RGS6: variants seen among roughly 807,000 people sequenced by gnomAD.
RGS6 encodes regulator of G protein signaling 6.
RGS6 carries 30 observed loss-of-function variants against 78.5 expected under a neutral mutation model. The observed-to-expected ratio is 0.38, with a 90% CI of 0.29 to 0.52. The LOEUF (loss-of-function observed/expected upper bound fraction) is 0.52. Among genes scored for constraint, RGS6 ranks in the 20% least tolerant of loss-of-function variants. The probability of loss-of-function intolerance (pLI) is 0.85; values close to 1 mark genes in which losing one functional copy is unlikely to be tolerated. For synonymous variants in RGS6, 206 were observed against 206.0 expected (o/e 1.00, Z 0.00); for missense variants, 495 against 609.7 (o/e 0.81, Z 1.98).
intron 2 of RGS6, among the ~76,000 whole-genome samples, chr14:72,202,331 A>G (rs1020584863): frequency 3.9e-5 from 6 of 152,186 alleles, no homozygotes; most frequent in Admixed American, 3.3e-4. Context: ...TCTTAGGAAG[A>G]GGAGTGGCCA....
At chr14:72,376,988 A>G (rs1298876440) in intron 3 of RGS6, among the ~76,000 whole-genome samples, 1 of 152,210 alleles carries the variant, frequency 6.6e-6, no homozygotes, top group African/African-American at 2.4e-5. Context: ...ATAAGAGAGG[A>G]AGTAAGGAAC....
the RGS6 span, among the ~76,000 whole-genome samples, chr14:71,925,366 A>C: frequency 6.6e-6 from 1 of 152,148 alleles, no homozygotes. Flanking sequence ...TTGCCTCTTC[A>C]CCCTGCTGTT....
At chr14:71,969,634 C>T (rs1030409419) in intron 2 of RGS6, among the ~76,000 whole-genome samples, 10 of 152,160 alleles carry the variant, frequency 6.6e-5, no homozygotes, top group Non-Finnish European at 1.0e-4. Flanking sequence ...TCTTTTCCTC[C>T]TTCCTTTTCA....
At chr14:72,104,736 T>C (rs1021959555) in intron 2 of RGS6, among the ~76,000 whole-genome samples, 1 of 152,168 alleles carries the variant, frequency 6.6e-6, no homozygotes, top group Non-Finnish European at 1.5e-5. Flanking sequence ...CAGTGCTTGG[T>C]TATAAGATGG....
chr14:71,889,918 C>T, the RGS6 span, among the ~76,000 whole-genome samples: 1 of 152,074 alleles, frequency 6.6e-6, no homozygotes, highest in Non-Finnish European at 1.5e-5. Context: ...CTCTTTCTTG[C>T]TCCTTCTCCT....
At chr14:72,201,480 A>G (rs1018950820) in intron 2 of RGS6, among the ~76,000 whole-genome samples, 1 of 152,220 alleles carries the variant, frequency 6.6e-6, no homozygotes, top group African/African-American at 2.4e-5. Flanking sequence ...ACTTCACACT[A>G]AATTCGACTT....
chr14:72,016,196 C>T (rs1413798847), intron 2 of RGS6, among the ~76,000 whole-genome samples: 1 of 152,136 alleles, frequency 6.6e-6, no homozygotes, highest in African/African-American at 2.4e-5. Context: ...GTTTCACAGA[C>T]ACTTAGAATT....
chr14:72,242,643 A>G (rs2053166692), intron 2 of RGS6, among the ~76,000 whole-genome samples: 1 of 152,094 alleles, frequency 6.6e-6, no homozygotes, highest in African/African-American at 2.4e-5. Context: ...AGAAAAGGAG[A>G]AAATGAAGAA....
chr14:72,504,921 ATTTTTTTTTTTT>A lies in RGS6; in HGVS notation c.966-5216_966-5205del, dbSNP rs34953560. The stretch of plus-strand genomic sequence containing the variant: ...AGGTGCCCACCACCACGCCCAGCTA[ATTTTTTTTTTTT>A]TTTTTTTTTTTTTTTTGTATTTTTA... On this transcript the variant is annotated intron_variant, in intron 13 of 17. Transcript: ENST00000553525. Among the ~76,000 whole-genome samples the A allele has an allele frequency of 1.1e-4, 8 of 76,078 alleles. No individual in the cohort carries two copies. In the South Asian group the frequency reaches 2.5e-3, roughly 24 times the overall value. The allele number at this position is 76,078 out of a possible 152,430, so 49.9% of individuals were successfully genotyped here.
chr14:72,355,882 A>G (rs2080159411), intron 3 of RGS6, among the ~76,000 whole-genome samples: 1 of 152,174 alleles, frequency 6.6e-6, no homozygotes, highest in African/African-American at 2.4e-5. Flanking sequence ...TTCCTGGAAC[A>G]TTGAGGATCT....
Position 72,408,682 on chromosome 14 carries a change from T to A in RGS6, c.185-45846T>A, listed in dbSNP as rs114605234. ...TTGAATCAATTTGGCATCATGGAAA[T>A]GGCATAGTACATTAGAGGCACATAC... On this transcript the variant is annotated intron_variant, in intron 3 of 17. Coordinates refer to ENST00000553525, the MANE Select transcript of RGS6 (RefSeq NM_001204424.2). Among the ~76,000 whole-genome samples the A allele has an allele frequency of 5.4e-3, 830 of 152,324 alleles. 6 individuals are homozygous for A. Among genetic ancestry groups the A allele is most frequent in the African/African-American group, 0.019 (784 of 41,578 alleles).
the RGS6 span, among the ~76,000 whole-genome samples, chr14:72,590,235 C>A: frequency 6.6e-6 from 1 of 152,224 alleles, no homozygotes; most frequent in Non-Finnish European, 1.5e-5. Context: ...TTGGTAAGTT[C>A]TCATAACGTG....
intron 2 of RGS6, among the ~76,000 whole-genome samples, chr14:72,044,060 T>C (rs1028932423): frequency 6.6e-6 from 1 of 152,228 alleles, no homozygotes; most frequent in Non-Finnish European, 1.5e-5. Flanking sequence ...TCAAGTTCTC[T>C]GATTCTTTCT....
intron 3 of RGS6, among the ~76,000 whole-genome samples, chr14:72,412,751 G>T (rs543254042): frequency 6.6e-6 from 1 of 152,180 alleles, no homozygotes; most frequent in Non-Finnish European, 1.5e-5. Flanking sequence ...GTGTCCCAGA[G>T]ATTCTGGTAT....
At chr14:72,052,925 T>TTTTCTCTTTC (rs2093341225) in intron 2 of RGS6, among the ~76,000 whole-genome samples, 1 of 120,428 alleles carries the variant, frequency 8.3e-6, no homozygotes, top group Admixed American at 8.3e-5. Flanking sequence ...TTCATTGTAT[T>TTTTCTCTTTC]TTTCTTTCTT....
the RGS6 span, chr14:72,594,458 G>A: frequency 6.6e-6 from 1 of 152,194 alleles, no homozygotes; most frequent in Non-Finnish European, 1.5e-5. Flanking sequence ...CAGCCTTCTA[G>A]AAAGATCTTA....
intron 2 of RGS6, among the ~76,000 whole-genome samples, chr14:72,238,888 C>T (rs2051940275): frequency 1.3e-5 from 2 of 152,186 alleles, no homozygotes; most frequent in South Asian, 4.1e-4. Context: ...AGTTGTCCCC[C>T]ATCCGTGGTT....
At chr14:72,070,424 A>G (rs2094365468) in intron 2 of RGS6, among the ~76,000 whole-genome samples, 1 of 152,142 alleles carries the variant, frequency 6.6e-6, no homozygotes, top group South Asian at 2.1e-4. Flanking sequence ...GTTTTCACTT[A>G]TTATAGTAAA....
chr14:72,209,712 G>A (rs564222680), intron 2 of RGS6, among the ~76,000 whole-genome samples: 55 of 152,242 alleles, frequency 3.6e-4, no homozygotes, highest in Admixed American at 2.5e-3. Flanking sequence ...TTTGTGCTTG[G>A]CTCCCTGACT....
Sources: allele counts gnomAD v4.1 joint callset (sites outside exome capture counted in the v4.1 genomes callset), GRCh38; gene constraint gnomAD v4.1.1; transcripts MANE v1.5; gene names NCBI Gene and HGNC (gene_info 2026-07-23, HGNC 2026-07-21).